RASSF2: variants seen among roughly 807,000 people sequenced by gnomAD.
RASSF2 encodes the protein Ras association domain family member 2, also known as ras association domain-containing protein 2.
A neutral mutation model predicts 46.3 loss-of-function variants in RASSF2; 34 were observed. That is an observed-to-expected ratio of 0.73 (90% CI 0.56 to 0.98). RASSF2 has a LOEUF of 0.98. Ranked by LOEUF, RASSF2 falls within the 50% of genes least tolerant of loss-of-function variation. The probability of loss-of-function intolerance (pLI) is 0.00; values close to 1 mark genes in which losing one functional copy is unlikely to be tolerated. For missense variants in RASSF2, 364 were observed against 431.2 expected (o/e 0.84, Z 1.38); for synonymous variants, 158 against 162.5 (o/e 0.97, Z 0.21).
chr20:4,780,418 C>T lies in RASSF2; in HGVS notation c.*3855G>A, dbSNP rs982891829. On this transcript the variant is annotated 3_prime_UTR_variant, in exon 12 of 12. Coordinates refer to ENST00000379400, the MANE Select transcript of RASSF2 (RefSeq NM_014737.3). The stretch of plus-strand genomic sequence containing the variant: ...ACACAAGGGGCGCTTCAACACCCCC[C>T]TTGTGATAGGGCAGAGCTTTCTATT... The T allele has an allele frequency of 9.2e-5, 14 of 152,224 alleles. No homozygotes were observed. The highest frequency in any genetic ancestry group is 1.0e-4 in the Non-Finnish European group (7 of 68,034). 9.4% of individuals were successfully genotyped at this position (152,224 alleles called of 1,614,324 possible).
rs548157766 is a variant in RASSF2 at position 4,781,232 on chromosome 20, G to GC, written c.*3040_*3041insG. Reference sequence around the variant, plus strand: ...TTTTTGCATGGAAAACAGATATTTTGGGGGGGGCATTATATGCTACCGATA... The same window carrying GC: ...TTTTTGCATGGAAAACAGATATTTTGCGGGGGGGCATTATATGCTACCGATA... On this transcript the variant is annotated 3_prime_UTR_variant, in exon 12 of 12. Transcript: ENST00000379400. 3 of 25,012 alleles carry GC rather than the reference G, an allele frequency of 1.2e-4. No homozygotes were observed. Among genetic ancestry groups the GC allele is most frequent in the South Asian group, 2.4e-3 (2 of 830 alleles). The allele number at this position is 25,012 out of a possible 1,614,324, so 1.5% of individuals were successfully genotyped here.
chr20:4,805,721 G>A lies in RASSF2; in HGVS notation c.-32-4659C>T, dbSNP rs8114948. Among the ~76,000 whole-genome samples, 710 of 152,232 alleles carry A rather than the reference G, an allele frequency of 4.7e-3. 6 individuals are homozygous for A. Among genetic ancestry groups the A allele is most frequent in the African/African-American group, 0.016 (675 of 41,542 alleles). On this transcript the variant is annotated intron_variant, in intron 2 of 11. Coordinates refer to ENST00000379400, the MANE Select transcript of RASSF2 (RefSeq NM_014737.3). ...GGGACCAGTTGAGAGGCCGGAGCCCGAGTTGGAGAGACAGACTCTAGAGAG... is the reference window on the plus strand; with the variant it reads ...GGGACCAGTTGAGAGGCCGGAGCCCAAGTTGGAGAGACAGACTCTAGAGAG...
intron 2 of RASSF2, among the ~76,000 whole-genome samples, chr20:4,817,210 C>A (rs527284233): frequency 6.6e-6 from 1 of 152,170 alleles, no homozygotes; most frequent in Non-Finnish European, 1.5e-5. Flanking sequence ...CCATGGTTAA[C>A]TAATGTATGA....
chr20:4,796,269 C>T (rs1286649325), intron 4 of RASSF2, among the ~76,000 whole-genome samples: 1 of 152,148 alleles, frequency 6.6e-6, no homozygotes, highest in Non-Finnish European at 1.5e-5. Flanking sequence ...TTAAAGAAAG[C>T]GGAATACATT....
At chr20:4,814,803 G>A (rs370855481) in intron 2 of RASSF2, among the ~76,000 whole-genome samples, 1 of 152,178 alleles carries the variant, frequency 6.6e-6, no homozygotes, top group Non-Finnish European at 1.5e-5. Context: ...CACATCGGGG[G>A]GTTTCCAGAC....
intron 8 of RASSF2, 97 bp from the exon 9 acceptor site, chr20:4,788,365 T>G (rs758227679): frequency 6.9e-5 from 79 of 1,145,610 alleles, no homozygotes; most frequent in Non-Finnish European, 9.5e-5. Flanking sequence ...GCTAAGTCAA[T>G]TTTAGGCTGT....
At position 4,797,994 on chromosome 20, in the gene RASSF2, C is replaced by T. The variant is rs761558816; in HGVS notation, c.135+16G>A. 6.2e-7 allele frequency: 1 copy of T among 1,613,390 alleles called. No individual in the cohort carries two copies. The highest frequency in any genetic ancestry group is 8.5e-7 in the Non-Finnish European group (1 of 1,179,780). Reference sequence around the variant, plus strand: ...CCTGGACTAGCCAATCAGGGCCGTCCCTGGGGACTCCTTACCTCCCGGTGC... The same window carrying T: ...CCTGGACTAGCCAATCAGGGCCGTCTCTGGGGACTCCTTACCTCCCGGTGC... On this transcript the variant is annotated intron_variant, in intron 4 of 11. Coordinates refer to ENST00000379400, the MANE Select transcript of RASSF2 (RefSeq NM_014737.3).
chr20:4,820,253 C>T (rs556832546), intron 2 of RASSF2, among the ~76,000 whole-genome samples: 2 of 152,336 alleles, frequency 1.3e-5, no homozygotes, highest in Middle Eastern at 3.4e-3. Flanking sequence ...ACCTATAATC[C>T]TAGCACTTTG....
intron 2 of RASSF2, among the ~76,000 whole-genome samples, chr20:4,813,338 C>G (rs1392818627): frequency 6.6e-6 from 1 of 152,168 alleles, no homozygotes. Context: ...CTTCTGCCAC[C>G]AACTGTGGCC....
Position 4,795,082 on chromosome 20 carries a change from C to G in RASSF2, c.287+733G>C, listed in dbSNP as rs1181207555. ...GCATCAGCAGGTTTCAGGATGGAGA[C>G]AGGCTAGTCACTTGATCCTAAAACT... is the stretch of plus-strand genomic sequence containing the variant. On this transcript the variant is annotated intron_variant, in intron 5 of 11. Transcript: ENST00000379400. The surrounding 1 kb of genome is among the most constrained non-coding windows in gnomAD (Gnocchi z 4.0). Among the ~76,000 whole-genome samples the G allele has an allele frequency of 1.3e-5, 2 of 152,234 alleles. No individual in the cohort carries two copies. Among genetic ancestry groups the G allele is most frequent in the Non-Finnish European group, 2.9e-5 (2 of 68,046 alleles).
intron 11 of RASSF2, among the ~76,000 whole-genome samples, chr20:4,784,724 C>A (rs1346439564): frequency 6.6e-6 from 1 of 152,030 alleles, no homozygotes; most frequent in Non-Finnish European, 1.5e-5. Context: ...GCTCATGAAC[C>A]CTCACCTAGG....
intron 5 of RASSF2, among the ~76,000 whole-genome samples, chr20:4,793,411 A>T (rs1289325529): frequency 6.6e-6 from 1 of 152,226 alleles, no homozygotes; most frequent in Non-Finnish European, 1.5e-5. Flanking sequence ...CCCAGTAGAG[A>T]TAAACCTCAT....
chr20:4,784,719 T>C (rs1925152695), intron 11 of RASSF2, among the ~76,000 whole-genome samples: 2 of 152,166 alleles, frequency 1.3e-5, no homozygotes, highest in South Asian at 2.1e-4. Flanking sequence ...CAGCAGCTCA[T>C]GAACCCTCAC....
intron 7 of RASSF2, 88 bp from the exon 8 acceptor site, chr20:4,789,785 C>T (rs768167092): frequency 6.7e-5 from 77 of 1,143,246 alleles, no homozygotes; most frequent in Non-Finnish European, 7.9e-5. Flanking sequence ...ACAGTGACAA[C>T]GATACTCAGA....
intron 3 of RASSF2, among the ~76,000 whole-genome samples, chr20:4,799,505 G>T (rs1399271952): frequency 6.6e-6 from 1 of 152,230 alleles, no homozygotes; most frequent in Non-Finnish European, 1.5e-5. Flanking sequence ...TTTGGACCAC[G>T]CCAGGAGTCA....
intron 2 of RASSF2, among the ~76,000 whole-genome samples, chr20:4,803,174 G>T (rs2423009): frequency 0.32 from 48,655 of 151,726 alleles, 8,075 homozygotes; most frequent in East Asian, 0.51. Context: ...GCCTCCCAAA[G>T]TGCTGGGATT....
intron 3 of RASSF2, among the ~76,000 whole-genome samples, chr20:4,800,125 GAGAT>G (rs1273046488): frequency 2.7e-5 from 4 of 150,592 alleles, no homozygotes; most frequent in Non-Finnish European, 5.9e-5. Context: ...AAAAAAAAAA[GAGAT>G]AGAGAAATCT....
intron 2 of RASSF2, among the ~76,000 whole-genome samples, chr20:4,805,769 G>T (rs536012900): frequency 2.6e-5 from 4 of 152,306 alleles, no homozygotes; most frequent in Non-Finnish European, 4.4e-5. Context: ...GAGGAAAGTC[G>T]TGATGTGGAA....
intron 2 of RASSF2, among the ~76,000 whole-genome samples, chr20:4,819,732 C>A (rs1419107275): frequency 3.9e-5 from 6 of 152,196 alleles, no homozygotes; most frequent in Admixed American, 3.3e-4. Flanking sequence ...TGAATGCCAA[C>A]TACGGTTAAA....
Sources: allele counts gnomAD v4.1 joint callset (sites outside exome capture counted in the v4.1 genomes callset), GRCh38; gene constraint gnomAD v4.1.1; non-coding constraint Gnocchi (gnomAD v3.1); transcripts MANE v1.5; gene names NCBI Gene and HGNC (gene_info 2026-07-23, HGNC 2026-07-21).